Variants in THSD1 observed in about 807,000 individuals in gnomAD.
THSD1 encodes thrombospondin type-1 domain-containing protein 1.
Under a neutral mutation model 46.3 loss-of-function variants are expected in THSD1, and 34 were observed. That is an observed-to-expected ratio of 0.74 (90% CI 0.56 to 0.98). THSD1 has a LOEUF of 0.98. THSD1 is among the 50% of genes least tolerant of loss of function. The pLI is 0.00. For missense variants in THSD1, 1,023 were observed against 1,058.3 expected, an observed-to-expected ratio of 0.97 and a Z score of 0.46; for synonymous variants, 407 against 416.5, an observed-to-expected ratio of 0.98 and a Z score of 0.28.
At position 52,394,569 on chromosome 13, in the gene THSD1, G is replaced by A. The variant is rs569315779; in HGVS notation, c.1021+2663C>T. Among the ~76,000 whole-genome samples, 10 of 151,064 alleles carry A rather than the reference G, an allele frequency of 6.6e-5. No individual in the cohort carries two copies. The South Asian group carries it at 2.1e-3, about 32-fold the overall frequency. ...GTGGAGTTTGCAGTGAGCCAAGATT[G>A]TGCCACTGCACTCCAGCCTGGGCAA... On this transcript the variant is annotated intron_variant, in intron 3 of 4. Coordinates refer to ENST00000258613, the MANE Select transcript of THSD1 (RefSeq NM_018676.4).
At chr13:52,394,997 A>G (rs17087405) in intron 3 of THSD1, among the ~76,000 whole-genome samples, 12,335 of 152,202 alleles carry the variant, frequency 0.081, 733 homozygotes, top group African/African-American at 0.16. Context: ...TGGAGACTTG[A>G]AGGATGGGTT....
chr13:52,387,839 G>T (rs1957744922), intron 3 of THSD1, among the ~76,000 whole-genome samples: 1 of 152,070 alleles, frequency 6.6e-6, no homozygotes, highest in Non-Finnish European at 1.5e-5. Context: ...GGCAATATCA[G>T]ACTCCCATAC....
rs905582972 is a variant in THSD1, at chr13:52,378,542, C to A, written c.1428G>T (p.Gly476=). ...ENICELSEQR[G]SFSDGGDGPT... ...GCCCGTCTCCCCCATCCGAGAAGCTCCCGCGCTGCTCGCTCAGCTCGCAGA... is the reference window on the plus strand; with the variant it reads ...GCCCGTCTCCCCCATCCGAGAAGCTACCGCGCTGCTCGCTCAGCTCGCAGA... The change falls in exon 5 of 5, where the codon GGG becomes GGT. Residue 476 remains glycine, a synonymous_variant. Coordinates refer to ENST00000258613, the MANE Select transcript of THSD1 (RefSeq NM_018676.4). 4.3e-6 allele frequency: 7 copies of A among 1,614,058 alleles called. No homozygotes were observed. The highest frequency in any genetic ancestry group is 5.9e-6 in the Non-Finnish European group (7 of 1,180,038).
At chr13:52,402,037 T>G (rs1347352627) in intron 2 of THSD1, among the ~76,000 whole-genome samples, 1 of 152,234 alleles carries the variant, frequency 6.6e-6, no homozygotes, top group Non-Finnish European at 1.5e-5. Context: ...CTTGATATTA[T>G]CATAACAACC....
At chr13:52,378,860 TTTC>T in intron 4 of THSD1, 71 bp from the exon 5 acceptor site, 2 of 1,389,362 alleles carry the variant, frequency 1.4e-6, no homozygotes, top group Non-Finnish European at 1.9e-6. Context: ...TACTTTTTCT[TTTC>T]TTTTTTTTTT....
At position 52,378,217 on chromosome 13, in the gene THSD1, A is replaced by G. The variant is rs1361132237; in HGVS notation, c.1753T>C (p.Phe585Leu). Reference protein sequence around the residue: ...ESPEEAAANKFRIKSPFPEQP... With the variant: ...ESPEEAAANKLRIKSPFPEQP... ...TCCGGAAATGGGGATTTGATCCGGA[A>G]CTTGTTTGCTGCAGCTTCTTCCGGG... Residue 585 changes from phenylalanine to leucine, a missense_variant, in exon 5 of 5, where the codon TTC becomes CTC. By Grantham distance (22) the Phe-to-Leu change is conservative. Transcript: ENST00000258613. 6.2e-7 allele frequency: 1 copy of G among 1,614,152 alleles called. No homozygotes were observed. Among genetic ancestry groups the G allele is most frequent in the South Asian group, 1.1e-5 (1 of 91,090 alleles).
At chr13:52,403,253 C>T (rs575703020) in intron 1 of THSD1, among the ~76,000 whole-genome samples, 1 of 152,250 alleles carries the variant, frequency 6.6e-6, no homozygotes, top group Admixed American at 6.5e-5. Flanking sequence ...CCCCAGAATA[C>T]TACAATTAAA....
Position 52,377,249 on chromosome 13 carries a change from A to T in THSD1, c.*162T>A. On this transcript the variant is annotated 3_prime_UTR_variant, in exon 5 of 5. Transcript: ENST00000258613. Reference sequence around the variant, plus strand: ...TAACAAAGGAAAAAGCTCAAGATAAATAATTTCTTCCTTGTGAATTCAAAC... The same window carrying T: ...TAACAAAGGAAAAAGCTCAAGATAATTAATTTCTTCCTTGTGAATTCAAAC... The T allele has an allele frequency of 7.6e-7, 1 of 1,317,228 alleles. No homozygotes were observed. Among genetic ancestry groups the T allele is most frequent in the Non-Finnish European group, 9.7e-7 (1 of 1,028,826 alleles). The allele number at this position is 1,317,228 out of a possible 1,614,324, so 81.6% of individuals were successfully genotyped here.
chr13:52,378,453 G>T lies in THSD1; in HGVS notation c.1517C>A (p.Pro506His). 1.2e-6 allele frequency: 2 copies of T among 1,614,160 alleles called. No homozygotes were observed. The change falls in exon 5 of 5, where the codon CCC becomes CAC. Residue 506 changes from proline (P) to histidine (H), a missense_variant. By Grantham distance (77) the Pro-to-His change is moderately conservative. Coordinates refer to ENST00000258613, the MANE Select transcript of THSD1 (RefSeq NM_018676.4). ...LTYRRSGPVP[P>H]EDDASGSESF... Reference sequence around the variant, plus strand: ...CTCGCTGCCAGAGGCATCATCCTCGGGAGGTACCGGCCCGCTCCGCCTGTA... The same window carrying T: ...CTCGCTGCCAGAGGCATCATCCTCGTGAGGTACCGGCCCGCTCCGCCTGTA...
chr13:52,386,338 C>A, intron 3 of THSD1, 152 bp from the exon 4 acceptor site: 1 of 759,696 alleles, frequency 1.3e-6, no homozygotes, highest in Non-Finnish European at 2.0e-6. Context: ...AAAAGAGTTG[C>A]TCCTAACTTT....
At chr13:52,384,878 G>A (rs1248686676) in intron 4 of THSD1, among the ~76,000 whole-genome samples, 1 of 151,980 alleles carries the variant, frequency 6.6e-6, no homozygotes, top group Non-Finnish European at 1.5e-5. Context: ...AATGGATTCA[G>A]GGTGGGGCCT....
chr13:52,397,401 C>A lies in THSD1; in HGVS notation c.852G>T (p.Lys284Asn). The A allele has an allele frequency of 6.2e-7, 1 of 1,614,162 alleles. No homozygotes were observed. Among genetic ancestry groups the A allele is most frequent in the South Asian group, 1.1e-5 (1 of 91,086 alleles). Reference sequence around the variant, plus strand: ...TGTTTTCAGCCAAGTGAATGGTCCTCTTCCCAGGGTATCTGGGGGCCTCCT... The same window carrying A: ...TGTTTTCAGCCAAGTGAATGGTCCTATTCCCAGGGTATCTGGGGGCCTCCT... Reference protein sequence around the residue: ...VFKEAPRYPGKRTIHLAENSL... With the variant: ...VFKEAPRYPGNRTIHLAENSL... Residue 284 changes from lysine (K) to asparagine (N), a missense_variant, in exon 3 of 5, where the codon AAG becomes AAT. Coordinates refer to ENST00000258613, the MANE Select transcript of THSD1 (RefSeq NM_018676.4).
chr13:52,399,449 G>A (rs1249616871), intron 2 of THSD1, among the ~76,000 whole-genome samples: 1 of 152,138 alleles, frequency 6.6e-6, no homozygotes, highest in Non-Finnish European at 1.5e-5. Context: ...TATTATATAT[G>A]CCTCATGAAT....
At chr13:52,396,257 C>T (rs532295566) in intron 3 of THSD1, among the ~76,000 whole-genome samples, 1 of 152,182 alleles carries the variant, frequency 6.6e-6, no homozygotes, top group Non-Finnish European at 1.5e-5. Context: ...GGCGCAGTGG[C>T]TCATGCCTGT....
intron 4 of THSD1, among the ~76,000 whole-genome samples, chr13:52,383,394 A>T (rs1226078274): frequency 6.6e-6 from 1 of 152,230 alleles, no homozygotes; most frequent in South Asian, 2.1e-4. Flanking sequence ...CTACATTCAG[A>T]CCTTGGCATA....
At chr13:52,387,039 G>A (rs1241675652) in intron 3 of THSD1, among the ~76,000 whole-genome samples, 1 of 152,142 alleles carries the variant, frequency 6.6e-6, no homozygotes, top group Non-Finnish European at 1.5e-5. Context: ...ACTAGTACAA[G>A]GGAATGCCCT....
chr13:52,386,028 C>A lies in THSD1; in HGVS notation c.1180G>T (p.Ala394Ser). 1 of 1,613,492 alleles carries A rather than the reference C, an allele frequency of 6.2e-7. No homozygotes were observed. The highest frequency in any genetic ancestry group is 8.5e-7 in the Non-Finnish European group (1 of 1,179,686). ...TCCCGAAGGAAGCAAGAATACCTAC[C>A]AGCACACTCCTCCAGGGAACACAGG... is the stretch of plus-strand genomic sequence containing the variant. ...ASLCSLEECA[A>S]FQPSSPSPLQ... is the part of the protein sequence containing the mutation. The change falls in exon 4 of 5, where the codon GCT (alanine) becomes TCT (serine). Residue 394 changes from alanine (A) to serine (S), a missense_variant and splice_region_variant. By Grantham distance (99) the Ala-to-Ser change is moderately conservative. Transcript: ENST00000258613.
rs938320015 is a variant in THSD1, at chr13:52,404,552, G to A, written c.-82+1479C>T. Among the ~76,000 whole-genome samples the A allele has an allele frequency of 1.2e-4, 19 of 152,182 alleles. 1 individual carries two copies. Among genetic ancestry groups the A allele is most frequent in the Admixed American group, 2.6e-4 (4 of 15,286 alleles). ...AGGAAAGAAGAAGAAAATTGTTTTG[G>A]GTGGAATTAGCCACAGACTTGACCC... On this transcript the variant is annotated intron_variant, in intron 1 of 4. Transcript: ENST00000258613.
intron 4 of THSD1, among the ~76,000 whole-genome samples, chr13:52,379,212 G>C (rs1957672597): frequency 6.6e-6 from 1 of 152,058 alleles, no homozygotes; most frequent in Non-Finnish European, 1.5e-5. Flanking sequence ...TAAGGTCTCT[G>C]AGTCACTCAC....
Sources: gnomAD v4.1 joint callset for allele counts (sites outside exome capture counted in the v4.1 genomes callset) on GRCh38, gnomAD v4.1.1 for gene constraint, MANE v1.5 for transcripts, NCBI Gene and HGNC (gene_info 2026-07-23, HGNC 2026-07-21) for gene names.